Variants in ANOS1 observed in about 807,000 individuals in gnomAD.
ANOS1 encodes anosmin 1, also known as anosmin-1.
In ANOS1, 6 loss-of-function variants were observed where a neutral mutation model predicts 59.0. That is an observed-to-expected ratio of 0.10 (90% CI 0.06 to 0.20). ANOS1 has a LOEUF of 0.20. Among genes scored for constraint, ANOS1 ranks in the 10% least tolerant of loss-of-function variants. ANOS1 has a pLI of 1.00. For missense variants in ANOS1, 433 were observed against 542.3 expected (o/e 0.80, Z 2.00); for synonymous variants, 217 against 223.4 (o/e 0.97, Z 0.25).
intron 2 of ANOS1, among the ~76,000 whole-genome samples, chrX:8,662,621 T>C (rs1173473390): frequency 8.9e-6 from 1 of 112,131 alleles, no homozygotes. Flanking sequence ...TCTTTGCAAA[T>C]GTAATTGCTT....
chrX:8,643,908 C>T (rs992489699), intron 2 of ANOS1, among the ~76,000 whole-genome samples: 4 of 111,276 alleles, frequency 3.6e-5, no homozygotes, highest in African/African-American at 9.8e-5. Flanking sequence ...TGCCACCCCC[C>T]CAACCCCGCC....
At chrX:8,681,225 T>C (rs2146886584) in intron 2 of ANOS1, among the ~76,000 whole-genome samples, 1 of 112,217 alleles carries the variant, frequency 8.9e-6, no homozygotes, top group African/African-American at 3.2e-5. Context: ...ATTATTATCA[T>C]CAAATAAGCT....
intron 6 of ANOS1, among the ~76,000 whole-genome samples, chrX:8,583,350 A>G (rs1219516175): frequency 8.9e-6 from 1 of 111,889 alleles, no homozygotes; most frequent in African/African-American, 3.3e-5. Flanking sequence ...ATGGTTGCAC[A>G]AGTCAGTAAA....
At chrX:8,646,073 C>T (rs1931749178) in intron 2 of ANOS1, among the ~76,000 whole-genome samples, 1 of 112,016 alleles carries the variant, frequency 8.9e-6, no homozygotes. Flanking sequence ...GGATTACAGG[C>T]GTGAGCCACC....
At chrX:8,533,956 A>G (rs1424494243) in intron 13 of ANOS1, among the ~76,000 whole-genome samples, 1 of 96,499 alleles carries the variant, frequency 1.0e-5, no homozygotes, top group African/African-American at 3.8e-5. Context: ...GCAAGGAAGG[A>G]AAAAAAAAAC....
At chrX:8,533,458 T>C (rs188639008) in intron 13 of ANOS1, among the ~76,000 whole-genome samples, 1 of 112,477 alleles carries the variant, frequency 8.9e-6, no homozygotes, top group East Asian at 2.8e-4. Flanking sequence ...CCCATTGTGA[T>C]AGTTTTTGTT....
At chrX:8,579,242 C>A (rs186440013) in intron 6 of ANOS1, among the ~76,000 whole-genome samples, 151 of 111,978 alleles carry the variant, frequency 1.3e-3, no homozygotes, top group African/African-American at 4.7e-3. Context: ...ATATTTGTAA[C>A]CCTGACTCCA....
intron 2 of ANOS1, among the ~76,000 whole-genome samples, chrX:8,689,932 T>C (rs1932581978): frequency 8.9e-6 from 1 of 111,743 alleles, no homozygotes; most frequent in Non-Finnish European, 1.9e-5. Flanking sequence ...GCTAATATAA[T>C]ATTGTACATA....
chrX:8,640,140 G>C (rs1018304827), intron 2 of ANOS1, among the ~76,000 whole-genome samples: 2 of 111,147 alleles, frequency 1.8e-5, no homozygotes, highest in Non-Finnish European at 3.8e-5. Context: ...TCATGGCTAA[G>C]CAGCCAGAGG....
intron 13 of ANOS1, among the ~76,000 whole-genome samples, chrX:8,533,816 A>G (rs1169755602): frequency 1.8e-5 from 2 of 111,364 alleles, no homozygotes; most frequent in Non-Finnish European, 3.8e-5. Context: ...GCAAAATATT[A>G]TTTCCTATAT....
chrX:8,566,446 C>G (rs1930115628), intron 8 of ANOS1, among the ~76,000 whole-genome samples: 1 of 110,097 alleles, frequency 9.1e-6, no homozygotes, highest in Non-Finnish European at 1.9e-5. Context: ...TACATATATA[C>G]CTATGTGCAT....
rs1932981633 is a variant in ANOS1 at position 8,731,861 on chromosome X, G to A, written c.176C>T (p.Thr59Ile). 1 of 1,192,821 alleles carries A rather than the reference G, an allele frequency of 8.4e-7. No individual in the cohort carries two copies. Among genetic ancestry groups the A allele is most frequent in the African/African-American group, 1.8e-5 (1 of 55,728 alleles). The change falls in exon 1 of 14, where the codon ACT becomes ATT. Residue 59 changes from threonine (T) to isoleucine (I), a missense_variant. Thr to Ile is a moderately conservative substitution (Grantham distance 89). Transcript: ENST00000262648. ...CASRCLSLQITRISAFFQHFQ... is the reference protein window; with the variant it reads ...CASRCLSLQIIRISAFFQHFQ... ...GTGCTGGAAGAAGGCGGAGATGCGA[G>A]TGATCTGCAGGCTCAGGCACCTGGA...
chrX:8,693,281 T>C (rs185987086), intron 2 of ANOS1, among the ~76,000 whole-genome samples: 2 of 111,965 alleles, frequency 1.8e-5, no homozygotes, highest in East Asian at 5.6e-4. Context: ...AAATATTCTC[T>C]CTAGCTTTAG....
At chrX:8,614,538 T>A in intron 3 of ANOS1, among the ~76,000 whole-genome samples, 1 of 111,728 alleles carries the variant, frequency 9.0e-6, no homozygotes, top group East Asian at 2.8e-4. Context: ...TGACCTCCAA[T>A]AGAATTAAAA....
intron 3 of ANOS1, among the ~76,000 whole-genome samples, chrX:8,618,047 A>C (rs1214200540): frequency 1.8e-5 from 2 of 111,497 alleles, no homozygotes; most frequent in Non-Finnish European, 3.8e-5. Flanking sequence ...CTTATACTCC[A>C]CTAACCAACC....
At chrX:8,638,482 G>A (rs1438317849) in intron 2 of ANOS1, among the ~76,000 whole-genome samples, 3 of 111,967 alleles carry the variant, frequency 2.7e-5, no homozygotes, top group African/African-American at 9.8e-5. Flanking sequence ...TGCATGCTTT[G>A]ACCTTAGAAT....
At chrX:8,587,120 TTGTG>T (rs35501476) in intron 5 of ANOS1, among the ~76,000 whole-genome samples, 1 of 101,224 alleles carries the variant, frequency 9.9e-6, no homozygotes, top group South Asian at 5.1e-4. Flanking sequence ...CATGTAGGGT[TTGTG>T]TGTGTGTGTG....
intron 6 of ANOS1, among the ~76,000 whole-genome samples, chrX:8,583,065 G>A (rs1272719677): frequency 3.6e-5 from 4 of 109,934 alleles, no homozygotes; most frequent in Admixed American, 1.9e-4. Flanking sequence ...GGGGATGCTC[G>A]TATTTCCAGA....
chrX:8,535,999 T>A (rs1929584390), intron 11 of ANOS1, among the ~76,000 whole-genome samples, 188 bp from the exon 12 acceptor site: 1 of 110,522 alleles, frequency 9.0e-6, no homozygotes, highest in Non-Finnish European at 1.9e-5. Context: ...AGTAGGAATC[T>A]CCTCACTCCA....
Sources: allele counts gnomAD v4.1 joint callset (sites outside exome capture counted in the v4.1 genomes callset), GRCh38; gene constraint gnomAD v4.1.1; transcripts MANE v1.5; gene names NCBI Gene and HGNC (gene_info 2026-07-23, HGNC 2026-07-21).